BRAF: variants seen among roughly 807,000 people sequenced by gnomAD.
BRAF encodes serine/threonine-protein kinase B-raf.
Under a neutral mutation model 104.6 loss-of-function variants are expected in BRAF, and 16 were observed. The ratio of observed to expected loss-of-function variants is 0.15; its 90% CI spans 0.10 to 0.23. The LOEUF (loss-of-function observed/expected upper bound fraction) is 0.23, where lower values mean the gene tolerates loss of function less well. Ranked by LOEUF, BRAF falls within the 10% of genes least tolerant of loss-of-function variation. BRAF has a pLI of 1.00. For synonymous variants in BRAF, 310 were observed against 341.6 expected (o/e 0.91, Z 1.02); for missense variants, 541 against 937.3 (o/e 0.58, Z 5.52).
intron 18 of BRAF, among the ~76,000 whole-genome samples, 172 bp from the exon 18 acceptor site, chr7:140,734,942 T>A (rs1796289652): frequency 6.6e-6 from 1 of 152,112 alleles, no homozygotes; most frequent in Non-Finnish European, 1.5e-5. Flanking sequence ...TTCAGCATTG[T>A]CATAAATGCT....
At chr7:140,842,705 T>G (rs1339315608) in intron 2 of BRAF, among the ~76,000 whole-genome samples, 1 of 152,140 alleles carries the variant, frequency 6.6e-6, no homozygotes, top group Non-Finnish European at 1.5e-5. Flanking sequence ...TTTTCTTCCT[T>G]TGGATGATGG....
intron 3 of BRAF, among the ~76,000 whole-genome samples, chr7:140,827,036 A>T (rs1806135250): frequency 6.6e-6 from 1 of 152,140 alleles, no homozygotes; most frequent in African/African-American, 2.4e-5. Context: ...CAACATTCTG[A>T]ATTGTCTAAT....
At chr7:140,749,194 T>C in intron 17 of BRAF, 93 bp downstream of exon 16, 5 of 1,551,418 alleles carry the variant, frequency 3.2e-6, no homozygotes, top group Non-Finnish European at 4.4e-6. Flanking sequence ...AAATCTATCC[T>C]TCACGCTTAC....
chr7:140,764,182 A>G (rs1341483550), intron 14 of BRAF, among the ~76,000 whole-genome samples: 9 of 151,680 alleles, frequency 5.9e-5, no homozygotes, highest in African/African-American at 9.7e-5. Flanking sequence ...TATAAACAGA[A>G]CCAAAGACAA....
intron 1 of BRAF, among the ~76,000 whole-genome samples, chr7:140,857,588 CA>C (rs746994255): frequency 2.6e-4 from 40 of 152,156 alleles, no homozygotes; most frequent in Non-Finnish European, 5.0e-4. Context: ...TATTAATAAG[CA>C]TATTAGGTCT....
At chr7:140,840,282 A>ATGTATGATACATGGTCTCTGATAC (rs1342851622) in intron 2 of BRAF, among the ~76,000 whole-genome samples, 2 of 152,196 alleles carry the variant, frequency 1.3e-5, no homozygotes, top group African/African-American at 2.4e-5. Context: ...TTGATTAGGC[A>ATGTATGATACATGGTCTCTGATAC]ATGGTCTCTC....
chr7:140,871,113 G>A (rs1241832723), intron 1 of BRAF, among the ~76,000 whole-genome samples: 2 of 149,930 alleles, frequency 1.3e-5, no homozygotes, highest in Non-Finnish European at 3.0e-5. Flanking sequence ...ATGGTGACAC[G>A]TGCCTGTAGT....
intron 1 of BRAF, among the ~76,000 whole-genome samples, chr7:140,902,994 G>A (rs867654305): frequency 1.4e-5 from 2 of 146,808 alleles, no homozygotes; most frequent in East Asian, 2.0e-4. Context: ...GCATGATCTC[G>A]GCTCACCGCA....
intron 1 of BRAF, among the ~76,000 whole-genome samples, chr7:140,918,462 C>A (rs997542478): frequency 2.0e-5 from 3 of 152,152 alleles, no homozygotes. Context: ...CACTCACCTC[C>A]TGCGGTGTAG....
At chr7:140,812,827 T>C (rs566751759) in intron 3 of BRAF, among the ~76,000 whole-genome samples, 4 of 152,178 alleles carry the variant, frequency 2.6e-5, no homozygotes, top group South Asian at 2.1e-4. Context: ...CAACTGGAAC[T>C]AATCTAGAAA....
intron 1 of BRAF, among the ~76,000 whole-genome samples, chr7:140,875,802 T>C (rs752338337): frequency 1.2e-4 from 18 of 152,192 alleles, no homozygotes; most frequent in Non-Finnish European, 2.6e-4. Context: ...TTTAAAGTGC[T>C]GAAAGAGAAA....
chr7:140,801,192 T>C (rs1321976382), intron 6 of BRAF: 4 of 515,834 alleles, frequency 7.8e-6, no homozygotes, highest in Non-Finnish European at 1.4e-5. Context: ...TAAACGATAA[T>C]ATAAAATATA....
At chr7:140,828,060 C>G (rs979498848) in intron 3 of BRAF, among the ~76,000 whole-genome samples, 2 of 151,936 alleles carry the variant, frequency 1.3e-5, no homozygotes, top group Non-Finnish European at 2.9e-5. Context: ...CACACCCGGC[C>G]AATTTTGTAT....
intron 1 of BRAF, among the ~76,000 whole-genome samples, chr7:140,922,123 A>G (rs1818289103): frequency 6.6e-6 from 1 of 152,242 alleles, no homozygotes; most frequent in Non-Finnish European, 1.5e-5. Context: ...AAAAAAATGT[A>G]GAGGGAAAAC....
chr7:140,852,335 C>T (rs911157832), intron 1 of BRAF, among the ~76,000 whole-genome samples: 1 of 150,962 alleles, frequency 6.6e-6, no homozygotes, highest in East Asian at 1.9e-4. Flanking sequence ...CACCACTACA[C>T]TCCGGCCTGG....
chr7:140,831,438 T>C (rs1039374187), intron 3 of BRAF, among the ~76,000 whole-genome samples: 1 of 152,184 alleles, frequency 6.6e-6, no homozygotes, highest in African/African-American at 2.4e-5. Context: ...AGTTCCACCA[T>C]TTAAACACAC....
chr7:140,780,816 T>G (rs1277705390), intron 12 of BRAF: 1 of 152,220 alleles, frequency 6.6e-6, no homozygotes. Context: ...ATAATCCAAT[T>G]TAAAAAGATT....
chr7:140,870,508 C>A (rs942240718), intron 1 of BRAF, among the ~76,000 whole-genome samples: 7 of 151,892 alleles, frequency 4.6e-5, no homozygotes, highest in Admixed American at 1.3e-4. Flanking sequence ...AGTAAAATGC[C>A]CTATCTGCAG....
rs552826744 is a variant in BRAF at position 140,726,213 on chromosome 7, G to A, written c.*281C>T. 432 of 1,258,030 alleles carry A rather than the reference G, an allele frequency of 3.4e-4. No homozygotes were observed. Among genetic ancestry groups the A allele is most frequent in the Non-Finnish European group, 4.0e-4 (396 of 1,001,362 alleles). The allele number at this position is 1,258,030 out of a possible 1,614,324, so 77.9% of individuals were successfully genotyped here. The stretch of plus-strand genomic sequence containing the variant: ...TTCCATCATGCCTGACCATCAAAAG[G>A]TCAGAATTCAGGGTCTCTCCTCTTT... On this transcript the variant is annotated 3_prime_UTR_variant, in exon 20 of 20. Coordinates refer to ENST00000644969, the MANE Select transcript of BRAF (RefSeq NM_001374258.1).
Sources: allele counts gnomAD v4.1 joint callset (sites outside exome capture counted in the v4.1 genomes callset), GRCh38; gene constraint gnomAD v4.1.1; transcripts MANE v1.5; gene names NCBI Gene and HGNC (gene_info 2026-07-23, HGNC 2026-07-21).